CAMKK2: variants seen among roughly 807,000 people sequenced by gnomAD.
CAMKK2 encodes the protein calcium/calmodulin dependent protein kinase kinase 2, also known as calcium/calmodulin-dependent protein kinase kinase 2.
CAMKK2 carries 30 observed loss-of-function variants against 67.2 expected under a neutral mutation model. That is an observed-to-expected ratio of 0.45 (90% CI 0.33 to 0.61). The LOEUF is 0.61. Ranked by LOEUF, CAMKK2 falls within the 20% of genes least tolerant of loss-of-function variation. The pLI, the probability that CAMKK2 is intolerant of heterozygous loss-of-function variation, is 0.02. For synonymous variants in CAMKK2, 322 were observed against 326.2 expected, an observed-to-expected ratio of 0.99 and a Z score of 0.14; for missense variants, 643 against 802.0, an observed-to-expected ratio of 0.80 and a Z score of 2.39.
chr12:121,274,795 CTTTTTTTTTCT>C (rs1280827488), intron 1 of CAMKK2, among the ~76,000 whole-genome samples: 6 of 117,110 alleles, frequency 5.1e-5, no homozygotes, highest in Non-Finnish European at 7.1e-5. Flanking sequence ...ATTATTTTTT[CTTTTTTTTTCT>C]TTTTTTTTTT....
chr12:121,248,508 C>A, intron 14 of CAMKK2, 98 bp downstream of exon 14: 3 of 1,462,324 alleles, frequency 2.1e-6, no homozygotes, highest in Non-Finnish European at 2.8e-6. Context: ...CCCCGGACAT[C>A]TGACTCCCGG....
At chr12:121,282,716 C>T (rs890982328) in intron 1 of CAMKK2, among the ~76,000 whole-genome samples, 8 of 152,134 alleles carry the variant, frequency 5.3e-5, no homozygotes, top group African/African-American at 1.2e-4. Flanking sequence ...GACTTCTGGC[C>T]TCCAGAAATG....
At chr12:121,243,791 G>C (rs553071429) in intron 16 of CAMKK2, 4 of 973,766 alleles carry the variant, frequency 4.1e-6, no homozygotes, top group Admixed American at 4.2e-5. Context: ...ACTTCCCGTG[G>C]GTGAATTACA....
At position 121,285,671 on chromosome 12, in the gene CAMKK2, G is replaced by T. The variant is rs1898602049; in HGVS notation, c.-60+10967C>A. 6.6e-6 allele frequency among the ~76,000 whole-genome samples: 1 copy of T among 152,128 alleles called. No individual in the cohort carries two copies. The highest frequency in any genetic ancestry group is 1.5e-5 in the Non-Finnish European group (1 of 68,022). On this transcript the variant is annotated intron_variant, in intron 1 of 16. Coordinates refer to ENST00000404169, the MANE Select transcript of CAMKK2 (RefSeq NM_001270485.2). The surrounding 1 kb of genome is among the most constrained non-coding windows in gnomAD (Gnocchi z 4.1). ...AAAAATACAAAAAAAACCTAGCTGG[G>T]CATGGTGGCGTACACCTGTAGTCCC... is the stretch of plus-strand genomic sequence containing the variant.
At position 121,255,594 on chromosome 12, in the gene CAMKK2, T is replaced by C; in HGVS notation, c.863A>G (p.Gln288Arg). 6.2e-7 allele frequency: 1 copy of C among 1,612,798 alleles called. No homozygotes were observed. The highest frequency in any genetic ancestry group is 8.5e-7 in the Non-Finnish European group (1 of 1,179,748). ...VPTLKPLSED[Q>R]ARFYFQDLIK... ...CAGATCCTGGAAGTAGAAACGGGCCTGGTCTTCAGAGAGTGGTTTGAGGGT... is the reference window on the plus strand; with the variant it reads ...CAGATCCTGGAAGTAGAAACGGGCCCGGTCTTCAGAGAGTGGTTTGAGGGT... The change falls in exon 9 of 17, where the codon CAG (glutamine) becomes CGG (arginine). Residue 288 changes from glutamine (Q) to arginine (R), a missense_variant. Transcript: ENST00000404169.
rs899105921 is a variant in CAMKK2 at position 121,273,448 on chromosome 12, C to G, written c.471+608G>C. 7.9e-5 allele frequency among the ~76,000 whole-genome samples: 12 copies of G among 152,196 alleles called. No individual in the cohort carries two copies. The Middle Eastern group carries it at 0.02, about 259-fold the overall frequency. On this transcript the variant is annotated intron_variant, in intron 2 of 16. Coordinates refer to ENST00000404169, the MANE Select transcript of CAMKK2 (RefSeq NM_001270485.2). ...GGGCCCTGTGAACCCTGGTGAGGAT[C>G]TGAGTTCTCTGTATCCCCGCAGGGT...
chr12:121,248,583 G>C (rs746068915), intron 14 of CAMKK2, 23 bp downstream of exon 14: 2 of 1,614,030 alleles, frequency 1.2e-6, no homozygotes. Flanking sequence ...CCCTGCTCTG[G>C]GTCAGGGGTC....
chr12:121,273,983 C>T (rs910276110), intron 2 of CAMKK2, 73 bp downstream of exon 2: 2 of 1,177,076 alleles, frequency 1.7e-6, no homozygotes, highest in Non-Finnish European at 2.3e-6. Context: ...CCCAACCTTC[C>T]ACAGAGGCCC....
At chr12:121,294,877 T>C (rs552387978) in intron 1 of CAMKK2, among the ~76,000 whole-genome samples, 25 of 152,168 alleles carry the variant, frequency 1.6e-4, no homozygotes, top group Non-Finnish European at 2.9e-4. Flanking sequence ...ACTGTTATTA[T>C]TATTATTGTC....
chr12:121,290,422 T>C (rs1247493327), intron 1 of CAMKK2, among the ~76,000 whole-genome samples: 6 of 152,226 alleles, frequency 3.9e-5, no homozygotes, highest in African/African-American at 1.4e-4. Context: ...TTGTAATGGC[T>C]GACAACTGTA....
At chr12:121,248,811 A>T in intron 13 of CAMKK2, 77 bp from the exon 14 acceptor site, 1 of 1,557,300 alleles carries the variant, frequency 6.4e-7, no homozygotes, top group South Asian at 1.1e-5. Context: ...CGGAGCCACA[A>T]GGGCATGCAG....
chr12:121,237,884 G>A lies in CAMKK2; in HGVS notation c.*2815C>T, dbSNP rs906270011. On this transcript the variant is annotated 3_prime_UTR_variant, in exon 17 of 17. Transcript: ENST00000404169. This position sits in a 1 kb window ranked among gnomAD's most constrained non-coding sequence, Gnocchi z 4.5. ...GTCGGGAATGAAACAGAAGCATCGG[G>A]CATTGAATCGATCACAGAGTAGAAA... 2 of 152,650 alleles carry A rather than the reference G, an allele frequency of 1.3e-5. No individual in the cohort carries two copies. Among genetic ancestry groups the A allele is most frequent in the Non-Finnish European group, 2.9e-5 (2 of 68,050 alleles). The allele number at this position is 152,650 out of a possible 1,614,324, so 9.5% of individuals were successfully genotyped here.
intron 9 of CAMKK2, among the ~76,000 whole-genome samples, chr12:121,255,133 G>A (rs898707467): frequency 7.2e-6 from 1 of 138,362 alleles, no homozygotes; most frequent in African/African-American, 2.7e-5. Flanking sequence ...CCTCAAGCTT[G>A]CAGACAGACT....
In CAMKK2 at chr12:121,275,301, T is replaced by C. The variant is rs113784360; in HGVS notation, c.-59-716A>G. 7.0e-3 allele frequency among the ~76,000 whole-genome samples: 1,059 copies of C among 152,174 alleles called. 6 individuals carry two copies. Among genetic ancestry groups the C allele is most frequent in the Middle Eastern group, 0.024 (7 of 292 alleles). On this transcript the variant is annotated intron_variant, in intron 1 of 16. Transcript: ENST00000404169. ...GAATTCCAGATCAGCCTGGCCAACA[T>C]GGTGAAACCTCATCTCTACTAAAAA...
intron 1 of CAMKK2, among the ~76,000 whole-genome samples, chr12:121,289,587 T>C (rs1899540785): frequency 6.6e-6 from 1 of 152,138 alleles, no homozygotes. Flanking sequence ...AAAACGAGCA[T>C]AATTTGCCAG....
At chr12:121,280,809 G>A (rs984219613) in intron 1 of CAMKK2, among the ~76,000 whole-genome samples, 2 of 152,068 alleles carry the variant, frequency 1.3e-5, no homozygotes, top group Non-Finnish European at 1.5e-5. Context: ...TGGTCAGACC[G>A]GTTGATCTCA....
intron 7 of CAMKK2, among the ~76,000 whole-genome samples, chr12:121,259,230 G>T (rs186182173): frequency 1.3e-5 from 2 of 152,218 alleles, no homozygotes; most frequent in South Asian, 4.2e-4. Flanking sequence ...ATTCCCTGGG[G>T]AGCCACTGTA....
intron 15 of CAMKK2, 150 bp downstream of exon 15, chr12:121,244,990 A>C: frequency 1.6e-6 from 1 of 620,730 alleles, no homozygotes; most frequent in Non-Finnish European, 2.9e-6. Flanking sequence ...TGGGGTGCTG[A>C]CTGTCCCAGT....
intron 2 of CAMKK2, among the ~76,000 whole-genome samples, chr12:121,272,022 T>C (rs982208817): frequency 5.3e-5 from 8 of 151,992 alleles, no homozygotes; most frequent in Non-Finnish European, 1.2e-4. Flanking sequence ...TTTTGTTTTT[T>C]GTAGAGATGG....
Sources: gnomAD v4.1 joint callset for allele counts (sites outside exome capture counted in the v4.1 genomes callset) on GRCh38, gnomAD v4.1.1 for gene constraint, Gnocchi (gnomAD v3.1) non-coding constraint, MANE v1.5 for transcripts, NCBI Gene and HGNC (gene_info 2026-07-23, HGNC 2026-07-21) for gene names.